Variants in SIK3 observed in about 807,000 individuals in gnomAD.
The protein encoded by SIK3 is serine/threonine-protein kinase SIK3.
SIK3 carries 28 observed loss-of-function variants against 144.2 expected under a neutral mutation model. The ratio of observed to expected loss-of-function variants is 0.19; its 90% CI spans 0.14 to 0.27. The LOEUF (loss-of-function observed/expected upper bound fraction) is 0.27. Ranked by LOEUF, SIK3 falls within the 10% of genes least tolerant of loss-of-function variation. The pLI, the probability that SIK3 is intolerant of heterozygous loss-of-function variation, is 1.00. For synonymous variants in SIK3, 686 were observed against 676.3 expected (o/e 1.01, Z -0.22); for missense variants, 1,319 against 1,776.0 (o/e 0.74, Z 4.62).
intron 4 of SIK3, among the ~76,000 whole-genome samples, chr11:116,907,323 T>G (rs1438109603): frequency 1.3e-5 from 2 of 152,192 alleles, no homozygotes; most frequent in Non-Finnish European, 2.9e-5. Context: ...ATATTTAAGT[T>G]CACGTACATC....
At chr11:117,034,307 A>C (rs1285472894) in intron 1 of SIK3, among the ~76,000 whole-genome samples, 1 of 152,232 alleles carries the variant, frequency 6.6e-6, no homozygotes, top group East Asian at 1.9e-4. Flanking sequence ...AACAGAGACA[A>C]GAGAAAAGCA....
At chr11:117,024,836 G>A (rs1591559796) in intron 1 of SIK3, among the ~76,000 whole-genome samples, 1 of 152,040 alleles carries the variant, frequency 6.6e-6, no homozygotes, top group Non-Finnish European at 1.5e-5. Flanking sequence ...AGGAAGCGGA[G>A]GTTGCAGAGA....
At chr11:116,990,266 T>C (rs746886615) in intron 1 of SIK3, among the ~76,000 whole-genome samples, 1 of 152,164 alleles carries the variant, frequency 6.6e-6, no homozygotes, top group African/African-American at 2.4e-5. Flanking sequence ...GTGAGAACTT[T>C]CCTGAATAAA....
At chr11:116,947,223 A>AATATATGAATT (rs1565487285) in intron 3 of SIK3, among the ~76,000 whole-genome samples, 1 of 88,920 alleles carries the variant, frequency 1.1e-5, no homozygotes, top group Non-Finnish European at 2.0e-5. Context: ...TACAATATAT[A>AATATATGAATT]ATTATTTATA....
chr11:116,959,059 C>A (rs541728470), intron 1 of SIK3, among the ~76,000 whole-genome samples: 4 of 152,256 alleles, frequency 2.6e-5, no homozygotes, highest in African/African-American at 7.2e-5. Context: ...CATAGCAGAG[C>A]TGCCAAACAG....
chr11:117,037,466 G>C (rs1379261040), intron 1 of SIK3, among the ~76,000 whole-genome samples: 1 of 152,078 alleles, frequency 6.6e-6, no homozygotes, highest in Admixed American at 6.6e-5. Context: ...AGACAATTAG[G>C]CTATTTCAGT....
chr11:116,906,569 C>G lies in SIK3; in HGVS notation c.617-9252G>C, dbSNP rs11216182. Among the ~76,000 whole-genome samples, 526 of 152,092 alleles carry G rather than the reference C, an allele frequency of 3.5e-3. 5 individuals carry two copies. The highest frequency in any genetic ancestry group is 0.012 in the African/African-American group (507 of 41,460). ...TGCAGCAAAAAGGAGAGAGAAAGCG[C>G]GGCTAAAGGAAGAAAGTCAGGAAAA... On this transcript the variant is annotated intron_variant, in intron 4 of 24. Transcript: ENST00000445177.
At chr11:117,058,082 T>C (rs1024823660) in intron 1 of SIK3, among the ~76,000 whole-genome samples, 1 of 152,016 alleles carries the variant, frequency 6.6e-6, no homozygotes, top group Non-Finnish European at 1.5e-5. Flanking sequence ...AGAAAAAAGG[T>C]GTCCAGCAGA....
rs1407690721 is a variant in SIK3, at chr11:117,033,573, G to A, written c.273+64570C>T. ...AACAAAAAAAAATTAGCCAGGCGTCGTGGTGGGCGCCTGTAGTCTCAGCTA... is the reference window on the plus strand; with the variant it reads ...AACAAAAAAAAATTAGCCAGGCGTCATGGTGGGCGCCTGTAGTCTCAGCTA... On this transcript the variant is annotated intron_variant, in intron 1 of 24. Transcript: ENST00000445177. 4.6e-5 allele frequency among the ~76,000 whole-genome samples: 7 copies of A among 151,768 alleles called. No individual in the cohort carries two copies. In the East Asian group the frequency reaches 7.7e-4, roughly 17 times the overall value.
chr11:116,896,872 A>G (rs1367031666), intron 5 of SIK3, among the ~76,000 whole-genome samples: 1 of 152,030 alleles, frequency 6.6e-6, no homozygotes, highest in African/African-American at 2.4e-5. Context: ...TTAAAAATAC[A>G]AAAAATTAGC....
intron 1 of SIK3, among the ~76,000 whole-genome samples, chr11:116,982,004 C>T (rs757762962): frequency 6.6e-6 from 1 of 152,182 alleles, no homozygotes; most frequent in African/African-American, 2.4e-5. Flanking sequence ...TGAGTATGGG[C>T]GTCTGCTTAG....
At position 116,965,734 on chromosome 11, in the gene SIK3, AATATATATATATATATATATATATATAT is replaced by A. The variant is rs58587995; in HGVS notation, c.274-8698_274-8671del. Among the ~76,000 whole-genome samples, 211 of 118,374 alleles carry A rather than the reference AATATATATATATATATATATATATATAT, an allele frequency of 1.8e-3. 7 individuals carry two copies. Among genetic ancestry groups the A allele is most frequent in the African/African-American group, 6.5e-3 (177 of 27,142 alleles). The allele number at this position is 118,374 out of a possible 152,430, so 77.7% of individuals were successfully genotyped here. On this transcript the variant is annotated intron_variant, in intron 1 of 24. Transcript: ENST00000445177. ...CATGGTGAAAACCCGTCTCTGCTAA[AATATATATATATATATATATATATATAT>A]ATATATATATATATATATATAAATT...
At chr11:116,989,143 T>C (rs372406222) in intron 1 of SIK3, among the ~76,000 whole-genome samples, 59 of 151,900 alleles carry the variant, frequency 3.9e-4, no homozygotes, top group African/African-American at 1.4e-3. Context: ...AGTTTAAACT[T>C]TAAATGCAGC....
intron 19 of SIK3, 33 bp downstream of exon 19, chr11:116,861,241 A>G: frequency 6.8e-7 from 1 of 1,467,338 alleles, no homozygotes; most frequent in African/African-American, 1.4e-5. Flanking sequence ...TGTGGCATAA[A>G]ATGAACTGTT....
chr11:117,069,102 C>T (rs929309410), intron 1 of SIK3, among the ~76,000 whole-genome samples: 2 of 147,636 alleles, frequency 1.4e-5, no homozygotes, highest in Admixed American at 1.4e-4. Context: ...GCTTTACTTG[C>T]CCATCTAAAA....
chr11:116,959,385 C>T (rs1171907912), intron 1 of SIK3, among the ~76,000 whole-genome samples: 5 of 152,126 alleles, frequency 3.3e-5, no homozygotes, highest in African/African-American at 1.2e-4. Flanking sequence ...GGATCACCTC[C>T]AATCTCAACT....
intron 6 of SIK3, among the ~76,000 whole-genome samples, chr11:116,887,580 G>A (rs962978099): frequency 4.0e-5 from 6 of 149,334 alleles, no homozygotes; most frequent in Non-Finnish European, 1.5e-5. Flanking sequence ...TCGCACCACT[G>A]CACTCCAGCC....
intron 16 of SIK3, among the ~76,000 whole-genome samples, 159 bp from the exon 17 acceptor site, chr11:116,862,486 GT>G (rs1182252186): frequency 6.6e-6 from 1 of 152,172 alleles, no homozygotes; most frequent in African/African-American, 2.4e-5. Flanking sequence ...TAAGTATCTG[GT>G]GCACTAAATA....
intron 1 of SIK3, among the ~76,000 whole-genome samples, chr11:116,984,565 T>A (rs1950262589): frequency 6.6e-6 from 1 of 152,200 alleles, no homozygotes; most frequent in Admixed American, 6.5e-5. Context: ...CAGCAAAGTA[T>A]GCATTTGGTG....
Sources: allele counts gnomAD v4.1 joint callset (sites outside exome capture counted in the v4.1 genomes callset), GRCh38; gene constraint gnomAD v4.1.1; transcripts MANE v1.5; gene names NCBI Gene and HGNC (gene_info 2026-07-23, HGNC 2026-07-21).